The following XIRP2 variants were observed in gnomAD, a reference collection of about 807,000 sequenced individuals.
The protein encoded by XIRP2 is xin actin-binding repeat-containing protein 2.
In XIRP2, 236 loss-of-function variants were observed where a neutral mutation model predicts 277.0. The ratio of observed to expected loss-of-function variants is 0.85; its 90% CI spans 0.77 to 0.95. XIRP2 has a LOEUF of 0.95. XIRP2 is among the 40% of genes least tolerant of loss of function. The probability of loss-of-function intolerance (pLI) is 0.00; values close to 1 mark genes in which losing one functional copy is unlikely to be tolerated. For missense variants in XIRP2, 4,640 were observed against 4,157.5 expected, an observed-to-expected ratio of 1.12 and a Z score of -3.19; for synonymous variants, 1,490 against 1,416.5, an observed-to-expected ratio of 1.05 and a Z score of -1.17.
chr2:167,038,332 C>A lies in XIRP2; in HGVS notation c.409-97577C>A, dbSNP rs1285583140. ...AATTGTAAATGAAGCTAAAAGAGGCCATGAAAACCAATAAAGTACATTTGG... is the reference window on the plus strand; with the variant it reads ...AATTGTAAATGAAGCTAAAAGAGGCAATGAAAACCAATAAAGTACATTTGG... On this transcript the variant is annotated intron_variant, in intron 2 of 10. Transcript: ENST00000409195. Among the ~76,000 whole-genome samples the A allele has an allele frequency of 2.0e-5, 3 of 151,788 alleles. No individual in the cohort carries two copies. The East Asian group carries it at 5.8e-4, about 29-fold the overall frequency.
chr2:167,217,830 T>C lies in XIRP2; in HGVS notation c.724-336T>C, dbSNP rs565794132. Among the ~76,000 whole-genome samples, 105 of 152,296 alleles carry C rather than the reference T, an allele frequency of 6.9e-4. 1 individual carries two copies. The Middle Eastern group carries it at 0.01, about 15-fold the overall frequency. ...TTGAGGGTTAAAATTGAGTCCATTA[T>C]TCTTATACCCACTAGTCTGTATATT... On this transcript the variant is annotated intron_variant, in intron 4 of 10. Coordinates refer to ENST00000409195, the MANE Select transcript of XIRP2 (RefSeq NM_152381.6).
chr2:166,996,342 C>T (rs1423179154), intron 2 of XIRP2, among the ~76,000 whole-genome samples: 4 of 152,144 alleles, frequency 2.6e-5, no homozygotes, highest in Non-Finnish European at 5.9e-5. Context: ...TCTAAAATGT[C>T]TAGTTGGGCT....
At chr2:167,211,518 C>T (rs374661773) in intron 4 of XIRP2, among the ~76,000 whole-genome samples, 5 of 152,286 alleles carry the variant, frequency 3.3e-5, no homozygotes, top group South Asian at 2.1e-4. Flanking sequence ...AGCCATAAGG[C>T]GCTGTATAAA....
At chr2:166,929,198 T>G (rs1219673798) in intron 2 of XIRP2, among the ~76,000 whole-genome samples, 1 of 151,908 alleles carries the variant, frequency 6.6e-6, no homozygotes, top group African/African-American at 2.4e-5. Flanking sequence ...ATGATTCTAA[T>G]GCATGCTAAA....
At chr2:167,141,623 G>C (rs1691720489) in intron 3 of XIRP2, among the ~76,000 whole-genome samples, 5 of 152,138 alleles carry the variant, frequency 3.3e-5, no homozygotes, top group South Asian at 4.1e-4. Flanking sequence ...AGTGCTTTGG[G>C]AGGCCAAGGA....
intron 7 of XIRP2, 132 bp downstream of exon 7, chr2:167,240,868 G>T: frequency 1.4e-6 from 1 of 738,716 alleles, no homozygotes; most frequent in South Asian, 1.7e-5. Context: ...GTTCCAGGGA[G>T]AGCTGAGTAG....
At chr2:166,923,973 T>C (rs937483694) in intron 2 of XIRP2, among the ~76,000 whole-genome samples, 1 of 151,992 alleles carries the variant, frequency 6.6e-6, no homozygotes, top group African/African-American at 2.4e-5. Flanking sequence ...AGGGCCAAGC[T>C]TATATGTGAC....
intron 2 of XIRP2, among the ~76,000 whole-genome samples, chr2:167,067,697 G>C (rs936279487): frequency 1.3e-5 from 2 of 152,192 alleles, no homozygotes; most frequent in African/African-American, 2.4e-5. Flanking sequence ...AAATGGAGCT[G>C]ATACTAGCTC....
At chr2:167,240,078 T>C in intron 6 of XIRP2, 113 bp downstream of exon 6, 7 of 886,430 alleles carry the variant, frequency 7.9e-6, no homozygotes, top group Non-Finnish European at 9.6e-6. Context: ...TATCAATACC[T>C]ATCAGTGTTT....
intron 2 of XIRP2, among the ~76,000 whole-genome samples, chr2:166,994,696 A>T (rs1193731454): frequency 7.5e-6 from 1 of 134,028 alleles, no homozygotes; most frequent in African/African-American, 3.0e-5. Context: ...ATCAAAAAAA[A>T]AAAAAACTTT....
chr2:167,108,655 G>T (rs1690668691), intron 2 of XIRP2, among the ~76,000 whole-genome samples: 1 of 151,922 alleles, frequency 6.6e-6, no homozygotes, highest in Admixed American at 6.6e-5. Context: ...AAGATCAGAG[G>T]AAAATATAAA....
intron 5 of XIRP2, 74 bp downstream of exon 5, chr2:167,218,374 T>C: frequency 7.7e-7 from 1 of 1,294,438 alleles, no homozygotes; most frequent in Non-Finnish European, 1.0e-6. Flanking sequence ...TGTAGAAATC[T>C]CCTTTCTTTA....
chr2:167,257,519 A>G (rs1488168091), intron 10 of XIRP2, among the ~76,000 whole-genome samples: 3 of 151,990 alleles, frequency 2.0e-5, no homozygotes, highest in Non-Finnish European at 2.9e-5. Context: ...TTTGCTACTC[A>G]GGATTTATTG....
Position 167,143,815 on chromosome 2 carries a change from C to T in XIRP2, c.562+7753C>T, listed in dbSNP as rs144499392. Among the ~76,000 whole-genome samples the T allele has an allele frequency of 2.8e-4, 42 of 151,754 alleles. No individual in the cohort carries two copies. The East Asian group carries it at 7.4e-3, about 27-fold the overall frequency. ...AAAAAACCACAATATTCTAGAGAAACCCTGTGTATTTCTAGATATTTCAGA... is the reference window on the plus strand; with the variant it reads ...AAAAAACCACAATATTCTAGAGAAATCCTGTGTATTTCTAGATATTTCAGA... On this transcript the variant is annotated intron_variant, in intron 3 of 10. Coordinates refer to ENST00000409195, the MANE Select transcript of XIRP2 (RefSeq NM_152381.6).
chr2:167,181,413 C>T (rs957940475), intron 3 of XIRP2, among the ~76,000 whole-genome samples: 14 of 152,186 alleles, frequency 9.2e-5, no homozygotes, highest in African/African-American at 7.2e-5. Context: ...AAATTCTGTA[C>T]GAATTTCAGC....
intron 2 of XIRP2, among the ~76,000 whole-genome samples, chr2:167,026,478 G>C (rs1488548506): frequency 6.6e-6 from 1 of 152,120 alleles, no homozygotes; most frequent in African/African-American, 2.4e-5. Flanking sequence ...ATTGTTATGT[G>C]TGAATTTGAT....
chr2:166,953,312 T>C (rs376515277), intron 2 of XIRP2, among the ~76,000 whole-genome samples: 1 of 151,880 alleles, frequency 6.6e-6, no homozygotes, highest in Non-Finnish European at 1.5e-5. Flanking sequence ...TGAAAGGTAA[T>C]TGAATCATAG....
At chr2:166,938,808 G>A (rs925819244) in intron 2 of XIRP2, among the ~76,000 whole-genome samples, 16 of 152,260 alleles carry the variant, frequency 1.1e-4, no homozygotes, top group African/African-American at 3.9e-4. Flanking sequence ...ATTTAGGATA[G>A]TTAGCTCTTG....
At chr2:166,951,508 A>G (rs1285225090) in intron 2 of XIRP2, among the ~76,000 whole-genome samples, 1 of 152,014 alleles carries the variant, frequency 6.6e-6, no homozygotes, top group Non-Finnish European at 1.5e-5. Context: ...CTGCACAGCA[A>G]GGTGGGCAAC....
Sources: allele counts gnomAD v4.1 joint callset (sites outside exome capture counted in the v4.1 genomes callset), GRCh38; gene constraint gnomAD v4.1.1; transcripts MANE v1.5; gene names NCBI Gene and HGNC (gene_info 2026-07-23, HGNC 2026-07-21).